Variants in CCL25 observed in about 807,000 individuals in gnomAD.
CCL25 encodes the protein C-C motif chemokine ligand 25, also known as C-C motif chemokine 25.
CCL25 carries 14 observed loss-of-function variants against 19.9 expected under a neutral mutation model. The ratio of observed to expected loss-of-function variants is 0.70; its 90% CI spans 0.47 to 1.10. CCL25 has a LOEUF of 1.10. Ranked by LOEUF, CCL25 falls within the 50% of genes least tolerant of loss-of-function variation. The pLI is 0.00. For synonymous variants in CCL25, 68 were observed against 73.2 expected (o/e 0.93, Z 0.36); for missense variants, 151 against 181.2 (o/e 0.83, Z 0.96).
intron 5 of CCL25, among the ~76,000 whole-genome samples, chr19:8,061,297 C>T (rs919566657): frequency 2.0e-5 from 3 of 151,654 alleles, no homozygotes; most frequent in Non-Finnish European, 4.4e-5. Context: ...CCTTCACCAG[C>T]AATTTTTTTG....
At chr19:8,056,544 G>A in intron 4 of CCL25, 45 bp downstream of exon 4, 1 of 1,609,352 alleles carries the variant, frequency 6.2e-7, no homozygotes, top group African/African-American at 1.3e-5. Context: ...TGCCCTCCCT[G>A]CCTGCAAGCC....
rs777554264 is a variant in CCL25 at position 8,057,940 on chromosome 19, T to G, written c.445+20T>G. On this transcript the variant is annotated intron_variant, in intron 5 of 5. Transcript: ENST00000315626. Reference sequence around the variant, plus strand: ...ATTCAGGTAAGGACTCTTGGTCATGTGACTGTCTCCCATCCATCACCTTTG... The same window carrying G: ...ATTCAGGTAAGGACTCTTGGTCATGGGACTGTCTCCCATCCATCACCTTTG... 1 of 1,607,508 alleles carries G rather than the reference T, an allele frequency of 6.2e-7. No homozygotes were observed. Among genetic ancestry groups the G allele is most frequent in the Non-Finnish European group, 8.5e-7 (1 of 1,175,792 alleles).
At chr19:8,055,823 T>C (rs943437357) in intron 2 of CCL25, among the ~76,000 whole-genome samples, 3 of 152,064 alleles carry the variant, frequency 2.0e-5, no homozygotes, top group Non-Finnish European at 2.9e-5. Flanking sequence ...GGGGTGGTGT[T>C]GGCCCCTCCT....
intron 4 of CCL25, among the ~76,000 whole-genome samples, chr19:8,057,579 G>T (rs2081281552): frequency 6.6e-6 from 1 of 152,130 alleles, no homozygotes; most frequent in Non-Finnish European, 1.5e-5. Flanking sequence ...CAATCCACCT[G>T]CCTTGGCCTC....
chr19:8,060,124 A>C (rs898342546), intron 5 of CCL25, among the ~76,000 whole-genome samples: 12 of 151,630 alleles, frequency 7.9e-5, no homozygotes, highest in South Asian at 2.1e-4. Context: ...AATTGAGCCC[A>C]GGAGTTTGAG....
At chr19:8,058,588 AATAT>A (rs1467026206) in intron 5 of CCL25, among the ~76,000 whole-genome samples, 2 of 129,178 alleles carry the variant, frequency 1.5e-5, no homozygotes, top group African/African-American at 5.8e-5. Context: ...ATAAATATAT[AATAT>A]ATAAATAATA....
At chr19:8,054,936 C>A (rs1221615796) in intron 2 of CCL25, among the ~76,000 whole-genome samples, 1 of 151,208 alleles carries the variant, frequency 6.6e-6, no homozygotes, top group Non-Finnish European at 1.5e-5. Context: ...TCACTGCAAC[C>A]TCCACCTCCT....
chr19:8,053,024 C>T lies in CCL25; in HGVS notation c.-26C>T. 6.5e-7 allele frequency: 1 copy of T among 1,531,936 alleles called. No homozygotes were observed. The highest frequency in any genetic ancestry group is 8.8e-7 in the Non-Finnish European group (1 of 1,133,088). 94.9% of individuals were successfully genotyped at this position (1,531,936 alleles called of 1,614,324 possible). On this transcript the variant is annotated 5_prime_UTR_variant, in exon 2 of 6. Coordinates refer to ENST00000315626, the MANE Select transcript of CCL25 (RefSeq NM_005624.4). ...GGTGGCCCCGTTATTCGTCCAGGTG[C>T]CCAGGGAGGAGGACCCGCCTGCAGC...
chr19:8,062,335 T>C lies in CCL25; in HGVS notation c.*110T>C. The stretch of plus-strand genomic sequence containing the variant: ...CCACGCCTCTGTCTTTTGGGTCAAG[T>C]CTTAATCCCTGCACCTGAGTTGGTC... On this transcript the variant is annotated 3_prime_UTR_variant, in exon 6 of 6. Transcript: ENST00000315626. 8.2e-7 allele frequency: 1 copy of C among 1,221,530 alleles called. No homozygotes were observed. The highest frequency in any genetic ancestry group is 1.2e-6 in the Non-Finnish European group (1 of 830,722). The allele number at this position is 1,221,530 out of a possible 1,614,324, so 75.7% of individuals were successfully genotyped here.
chr19:8,056,592 C>A, intron 4 of CCL25, 93 bp downstream of exon 4: 1 of 1,424,460 alleles, frequency 7.0e-7, no homozygotes, highest in Non-Finnish European at 9.7e-7. Flanking sequence ...GAATTGGAGA[C>A]CAGAATACTG....
In CCL25 at chr19:8,057,891, A is replaced by G. The variant is rs766159244; in HGVS notation, c.416A>G (p.Asn139Ser). 3 of 1,613,088 alleles carry G rather than the reference A, an allele frequency of 1.9e-6. No individual in the cohort carries two copies. In the Admixed American group the frequency reaches 5.0e-5, roughly 27 times the overall value. ...AATCCCATCAGCAGCAGTAAGAGGA[A>G]TGTCTCCCTCCTGATATCAGCTAAT... ...FSNPISSSKR[N>S]VSLLISANSG... is the part of the protein sequence containing the mutation. The change falls in exon 5 of 6, where the codon AAT (asparagine) becomes AGT (serine). Residue 139 changes from asparagine to serine, a missense_variant. Coordinates refer to ENST00000315626, the MANE Select transcript of CCL25 (RefSeq NM_005624.4).
intron 5 of CCL25, among the ~76,000 whole-genome samples, chr19:8,058,307 T>C (rs1447162059): frequency 1.5e-5 from 2 of 132,866 alleles, no homozygotes; most frequent in East Asian, 4.1e-4. Context: ...TAAACATATA[T>C]AATATATAAG....
Position 8,059,155 on chromosome 19 carries a change from TATATA to T in CCL25, c.445+1241_445+1245del, listed in dbSNP as rs1167932850. 1.2e-3 allele frequency among the ~76,000 whole-genome samples: 15 copies of T among 12,354 alleles called. 2 individuals are homozygous for T. The South Asian group carries it at 0.077, about 64-fold the overall frequency. 8.1% of individuals were successfully genotyped at this position (12,354 alleles called of 152,430 possible). On this transcript the variant is annotated intron_variant, in intron 5 of 5. Transcript: ENST00000315626. ...AATATATATTATATAATATATAATA[TATATA>T]ATATATAATATATATAATATATAAA...
chr19:8,058,671 T>G (rs1341301753), intron 5 of CCL25, among the ~76,000 whole-genome samples: 3 of 138,024 alleles, frequency 2.2e-5, no homozygotes, highest in Non-Finnish European at 4.6e-5. Flanking sequence ...ATTATTATTT[T>G]TTTTTGAGAT....
chr19:8,056,096 G>T (rs924463228), intron 2 of CCL25, 56 bp from the exon 3 acceptor site: 4 of 1,207,846 alleles, frequency 3.3e-6, no homozygotes, highest in Non-Finnish European at 4.7e-6. Flanking sequence ...CCTGTGGCTG[G>T]CCCTGCCAAG....
chr19:8,058,475 A>T (rs1462167872), intron 5 of CCL25, among the ~76,000 whole-genome samples: 34 of 112,254 alleles, frequency 3.0e-4, no homozygotes, highest in Admixed American at 1.7e-3. Context: ...GTAAATATAT[A>T]ATATATAAAT....
chr19:8,058,975 AATATAAAT>A (rs944241972), intron 5 of CCL25, among the ~76,000 whole-genome samples: 96 of 128,356 alleles, frequency 7.5e-4, no homozygotes, highest in African/African-American at 2.6e-3. Context: ...ATAAATATAT[AATATAAAT>A]ATATAAATAT....
rs573661725 is a variant in CCL25 at position 8,052,787 on chromosome 19, C to T, written c.-86C>T. 8.6e-5 allele frequency: 38 copies of T among 441,382 alleles called. No individual in the cohort carries two copies. The highest frequency in any genetic ancestry group is 3.8e-4 in the African/African-American group (19 of 50,248). 27.3% of individuals were successfully genotyped at this position (441,382 alleles called of 1,614,324 possible). A position where few individuals can be genotyped will look rare whatever the true frequency, so the allele number is the denominator to read the frequency against. ...AGATGGGACAGCTTGGCCTACAGCCCGGCGGGCATCAGCTCCCTTGACCCA... is the reference window on the plus strand; with the variant it reads ...AGATGGGACAGCTTGGCCTACAGCCTGGCGGGCATCAGCTCCCTTGACCCA... On this transcript the variant is annotated 5_prime_UTR_variant, in exon 1 of 6. Transcript: ENST00000315626.
chr19:8,062,314 G>T lies in CCL25; in HGVS notation c.*89G>T. 1 of 1,447,470 alleles carries T rather than the reference G, an allele frequency of 6.9e-7. No individual in the cohort carries two copies. Among genetic ancestry groups the T allele is most frequent in the Non-Finnish European group, 9.7e-7 (1 of 1,031,154 alleles). The allele number at this position is 1,447,470 out of a possible 1,614,324, so 89.7% of individuals were successfully genotyped here. A position where few individuals can be genotyped will look rare whatever the true frequency, so the allele number is the denominator to read the frequency against. ...GCCCTACAGACCCAGCTGTCCCCAC[G>T]CCTCTGTCTTTTGGGTCAAGTCTTA... On this transcript the variant is annotated 3_prime_UTR_variant, in exon 6 of 6. Coordinates refer to ENST00000315626, the MANE Select transcript of CCL25 (RefSeq NM_005624.4).
Sources: allele counts gnomAD v4.1 joint callset (sites outside exome capture counted in the v4.1 genomes callset), GRCh38; gene constraint gnomAD v4.1.1; transcripts MANE v1.5; gene names NCBI Gene and HGNC (gene_info 2026-07-23, HGNC 2026-07-21).